HOMER1: variants seen among roughly 807,000 people sequenced by gnomAD.
The protein encoded by HOMER1 is homer protein homolog 1.
In HOMER1, 3 loss-of-function variants were observed where a neutral mutation model predicts 48.9. The ratio of observed to expected loss-of-function variants is 0.06; its 90% CI spans 0.03 to 0.16. The LOEUF is 0.16. Among genes scored for constraint, HOMER1 ranks in the 10% least tolerant of loss-of-function variants. HOMER1 has a pLI of 1.00. For synonymous variants in HOMER1, 134 were observed against 146.4 expected, an observed-to-expected ratio of 0.92 and a Z score of 0.61; for missense variants, 247 against 411.4, an observed-to-expected ratio of 0.60 and a Z score of 3.46.
chr5:79,380,146 T>C (rs1417580730), intron 8 of HOMER1, among the ~76,000 whole-genome samples: 1 of 152,070 alleles, frequency 6.6e-6, no homozygotes, highest in African/African-American at 2.4e-5. Flanking sequence ...GGATAAAGGG[T>C]AAGAGAACCT....
At chr5:79,406,315 C>G (rs1257540934) in intron 5 of HOMER1, among the ~76,000 whole-genome samples, 1 of 152,158 alleles carries the variant, frequency 6.6e-6, no homozygotes, top group African/African-American at 2.4e-5. Context: ...ATGATAAAAT[C>G]TAGGTAAGTG....
At chr5:79,438,604 CT>C (rs1750657324) in intron 5 of HOMER1, among the ~76,000 whole-genome samples, 1 of 151,754 alleles carries the variant, frequency 6.6e-6, no homozygotes, top group African/African-American at 2.4e-5. Context: ...AGTGGAAAGC[CT>C]ACTTAAAAAA....
rs537351561 is a variant in HOMER1, at chr5:79,497,621, T to C, written c.5+15149A>G. On this transcript the variant is annotated intron_variant, in intron 1 of 8. Coordinates refer to ENST00000334082, the MANE Select transcript of HOMER1 (RefSeq NM_004272.5). ...CGGAGGTTGCAGTGAGCCAAGATCG[T>C]GTACTGCAGCCCAGGAGACAGAGTA... Among the ~76,000 whole-genome samples the C allele has an allele frequency of 8.7e-4, 127 of 145,594 alleles. 1 individual carries two copies. The highest frequency in any genetic ancestry group is 5.4e-4 in the Non-Finnish European group (36 of 67,132).
intron 5 of HOMER1, among the ~76,000 whole-genome samples, chr5:79,410,501 A>AG (rs942943701): frequency 6.0e-5 from 9 of 150,010 alleles, no homozygotes; most frequent in Middle Eastern, 3.4e-3. Context: ...AAAAAAAAAA[A>AG]AAAAAAGAAA....
At chr5:79,393,205 A>G (rs1186724936) in intron 8 of HOMER1, among the ~76,000 whole-genome samples, 1 of 152,224 alleles carries the variant, frequency 6.6e-6, no homozygotes, top group Non-Finnish European at 1.5e-5. Context: ...TAGCTTAAAA[A>G]CAAAATAGAA....
chr5:79,418,732 A>T (rs1019498296), intron 5 of HOMER1, among the ~76,000 whole-genome samples: 6 of 152,218 alleles, frequency 3.9e-5, no homozygotes, highest in Non-Finnish European at 5.9e-5. Context: ...TTTGTCTTCC[A>T]TACCACAGCA....
chr5:79,506,235 A>T (rs1216115303), intron 1 of HOMER1, among the ~76,000 whole-genome samples: 1 of 152,120 alleles, frequency 6.6e-6, no homozygotes, highest in Admixed American at 6.5e-5. Flanking sequence ...ACTTTCAAAA[A>T]CAAGATTTTA....
Position 79,439,153 on chromosome 5 carries a change from TA to T in HOMER1, c.388-5del, listed in dbSNP as rs769527935. 2.5e-6 allele frequency: 4 copies of T among 1,611,828 alleles called. No homozygotes were observed. Among genetic ancestry groups the T allele is most frequent in the African/African-American group, 1.3e-5 (1 of 74,672 alleles). On this transcript the variant is annotated splice_polypyrimidine_tract_variant and splice_region_variant and intron_variant, in intron 4 of 8. Coordinates refer to ENST00000334082, the MANE Select transcript of HOMER1 (RefSeq NM_004272.5). ...GAAGATCCCCGCCTGCGGATTCCTT[TA>T]AAAAAAGGGGTGGGGGATAAAAAAT... is the stretch of plus-strand genomic sequence containing the variant.
chr5:79,488,619 C>A (rs1752184718), intron 1 of HOMER1, among the ~76,000 whole-genome samples: 1 of 152,092 alleles, frequency 6.6e-6, no homozygotes, highest in South Asian at 2.1e-4. Flanking sequence ...TCACCATGGA[C>A]CTTTTTCTTA....
At chr5:79,510,404 G>T (rs191280123) in intron 1 of HOMER1, 12 of 619,024 alleles carry the variant, frequency 1.9e-5, no homozygotes, top group African/African-American at 1.6e-4. Context: ...GATTCTAGGC[G>T]CTTCAGGAGC....
At chr5:79,387,317 T>C (rs67156555) in intron 8 of HOMER1, among the ~76,000 whole-genome samples, 34,492 of 151,734 alleles carry the variant, frequency 0.23, 4,958 homozygotes, top group East Asian at 0.45. Context: ...TTTGTGGAGA[T>C]AGGGTCCTAC....
intron 1 of HOMER1, among the ~76,000 whole-genome samples, chr5:79,469,814 G>A (rs921546791): frequency 6.6e-6 from 1 of 151,908 alleles, no homozygotes; most frequent in South Asian, 2.1e-4. Context: ...TTTTGTCAGC[G>A]TTTCACGTAA....
chr5:79,437,065 T>C (rs1021061376), intron 5 of HOMER1, among the ~76,000 whole-genome samples: 3 of 152,190 alleles, frequency 2.0e-5, no homozygotes, highest in Admixed American at 6.5e-5. Flanking sequence ...GTAACTCTTA[T>C]TAGACTCTTG....
Position 79,374,325 on chromosome 5 carries a change from T to C in HOMER1, c.*1684A>G, listed in dbSNP as rs1393067773. 4 of 152,448 alleles carry C rather than the reference T, an allele frequency of 2.6e-5. No homozygotes were observed. Among genetic ancestry groups the C allele is most frequent in the African/African-American group, 9.6e-5 (4 of 41,452 alleles). The allele number at this position is 152,448 out of a possible 1,614,324, so 9.4% of individuals were successfully genotyped here. A position where few individuals can be genotyped will look rare whatever the true frequency, so the allele number is the denominator to read the frequency against. On this transcript the variant is annotated 3_prime_UTR_variant, in exon 9 of 9. Transcript: ENST00000334082. ...CAGCACATATAATACATGATTGTTA[T>C]AAATTTTTCAGAGACACCTGAAAAC... is the stretch of plus-strand genomic sequence containing the variant.
At chr5:79,427,695 CT>C (rs1232205274) in intron 5 of HOMER1, among the ~76,000 whole-genome samples, 16 of 61,888 alleles carry the variant, frequency 2.6e-4, no homozygotes, top group African/African-American at 1.6e-3. Flanking sequence ...CCCTTCCTTC[CT>C]TTCCTTCCTT....
intron 6 of HOMER1, among the ~76,000 whole-genome samples, chr5:79,400,738 T>A (rs5026798): frequency 0.18 from 26,108 of 144,704 alleles, 3,322 homozygotes; most frequent in East Asian, 0.41. Flanking sequence ...AAAAAAAACT[T>A]CTTCTTTTTT....
intron 1 of HOMER1, among the ~76,000 whole-genome samples, chr5:79,486,403 C>T (rs4292436): frequency 0.079 from 12,035 of 152,192 alleles, 1,049 homozygotes; most frequent in East Asian, 0.23. Flanking sequence ...CTGCAAAGTA[C>T]AGTGTAGCTG....
At chr5:79,392,954 G>GGAGAGGGAGAGAGA (rs1749289190) in intron 8 of HOMER1, among the ~76,000 whole-genome samples, 1 of 140,880 alleles carries the variant, frequency 7.1e-6, no homozygotes, top group African/African-American at 2.7e-5. Context: ...GAAGGGAAAG[G>GGAGAGGGAGAGAGA]GAGAGAGAGA....
chr5:79,391,197 G>A (rs1346420350), intron 8 of HOMER1, among the ~76,000 whole-genome samples: 4 of 150,040 alleles, frequency 2.7e-5, no homozygotes, highest in Non-Finnish European at 5.9e-5. Context: ...AAGTGCCATG[G>A]CACAATCACG....
Sources: allele counts gnomAD v4.1 joint callset (sites outside exome capture counted in the v4.1 genomes callset), GRCh38; gene constraint gnomAD v4.1.1; transcripts MANE v1.5; gene names NCBI Gene and HGNC (gene_info 2026-07-23, HGNC 2026-07-21).